IL6ST: variants seen among roughly 807,000 people sequenced by gnomAD.
The protein encoded by IL6ST is interleukin 6 cytokine family signal transducer.
Under a neutral mutation model 91.3 loss-of-function variants are expected in IL6ST, and 24 were observed. That is an observed-to-expected ratio of 0.26 (90% CI 0.19 to 0.37). The LOEUF (loss-of-function observed/expected upper bound fraction) is 0.37. Among genes scored for constraint, IL6ST ranks in the 10% least tolerant of loss-of-function variants. The pLI is 1.00. For missense variants in IL6ST, 914 were observed against 1,078.5 expected (o/e 0.85, Z 2.14); for synonymous variants, 351 against 373.6 (o/e 0.94, Z 0.70).
intron 10 of IL6ST, among the ~76,000 whole-genome samples, chr5:55,955,797 G>A (rs1292513379): frequency 2.6e-5 from 4 of 152,118 alleles, no homozygotes; most frequent in East Asian, 3.9e-4. Context: ...AGGGGAGATC[G>A]CTTGAGCTCA....
At chr5:55,950,212 A>G (rs779391199) in intron 14 of IL6ST, 1 of 487,320 alleles carries the variant, frequency 2.1e-6, no homozygotes, top group South Asian at 1.5e-5. Flanking sequence ...GGCTAAAGCC[A>G]TGGACAGAGT....
intron 5 of IL6ST, 108 bp downstream of exon 5, chr5:55,968,163 AAAATT>A (rs1752749348): frequency 9.9e-7 from 1 of 1,010,280 alleles, no homozygotes; most frequent in Non-Finnish European, 1.4e-6. Flanking sequence ...TACAGAATAA[AAAATT>A]AAATGTTTTA....
At chr5:55,960,329 T>C in intron 8 of IL6ST, 73 bp downstream of exon 8, 1 of 1,175,256 alleles carries the variant, frequency 8.5e-7, no homozygotes, top group Non-Finnish European at 1.2e-6. Context: ...AATGAGGCTA[T>C]ATTATTAAAA....
chr5:55,952,659 G>A (rs1300696541), intron 11 of IL6ST, among the ~76,000 whole-genome samples: 1 of 152,162 alleles, frequency 6.6e-6, no homozygotes, highest in African/African-American at 2.4e-5. Flanking sequence ...ATTTTTGTAT[G>A]TCTTACCTAC....
At position 55,964,643 on chromosome 5, in the gene IL6ST, C is replaced by T. The variant is rs150906231; in HGVS notation, c.492-331G>A. Among the ~76,000 whole-genome samples the T allele has an allele frequency of 4.2e-3, 643 of 151,970 alleles. 4 individuals are homozygous for T. The highest frequency in any genetic ancestry group is 0.015 in the African/African-American group (605 of 41,396). ...TTTTTTCTTTTTCCTAAAACAGAAC[C>T]CTTACTGTACCACAAATTTCTTTAA... is the stretch of plus-strand genomic sequence containing the variant. On this transcript the variant is annotated intron_variant, in intron 5 of 16. Transcript: ENST00000381298.
Position 55,936,397 on chromosome 5 carries a change from C to T in IL6ST, c.*4685G>A, listed in dbSNP as rs1248086721. On this transcript the variant is annotated 3_prime_UTR_variant, in exon 17 of 17. Coordinates refer to ENST00000381298, the MANE Select transcript of IL6ST (RefSeq NM_002184.4). Reference sequence around the variant, plus strand: ...ACTAGGAGGGAGGATGCTACGATTTCAGACCTCAGCTATTAAATAGTAAAT... The same window carrying T: ...ACTAGGAGGGAGGATGCTACGATTTTAGACCTCAGCTATTAAATAGTAAAT... 5.3e-6 allele frequency: 1 copy of T among 188,466 alleles called. No homozygotes were observed. The highest frequency in any genetic ancestry group is 2.6e-5 in the African/African-American group (1 of 39,132). The allele number at this position is 188,466 out of a possible 1,614,324, so 11.7% of individuals were successfully genotyped here.
At chr5:55,941,897 A>G in intron 16 of IL6ST, 78 bp from the exon 17 acceptor site, 1 of 1,213,704 alleles carries the variant, frequency 8.2e-7, no homozygotes, top group Non-Finnish European at 1.2e-6. Context: ...ACTTCCCAGT[A>G]ACTCTCAGTG....
intron 8 of IL6ST, among the ~76,000 whole-genome samples, chr5:55,960,126 C>T (rs755469541): frequency 5.9e-5 from 9 of 152,070 alleles, no homozygotes; most frequent in East Asian, 1.9e-4. Flanking sequence ...CCTTGTGATC[C>T]GCCCACCTCG....
At chr5:55,969,019 C>T (rs935022703) in intron 4 of IL6ST, among the ~76,000 whole-genome samples, 3 of 152,110 alleles carry the variant, frequency 2.0e-5, no homozygotes, top group Admixed American at 6.6e-5. Flanking sequence ...CATGGCGAAA[C>T]CCCATTTCTA....
chr5:55,965,832 A>AT, intron 5 of IL6ST, among the ~76,000 whole-genome samples: 1 of 150,832 alleles, frequency 6.6e-6, no homozygotes, highest in African/African-American at 2.4e-5. Context: ...AAAAAAAAAA[A>AT]GGATGAATGA....
intron 7 of IL6ST, among the ~76,000 whole-genome samples, chr5:55,961,556 G>A (rs553647720): frequency 1.3e-5 from 2 of 152,138 alleles, no homozygotes; most frequent in Admixed American, 6.6e-5. Context: ...TCTGGAGTTC[G>A]AGACCAACCT....
At chr5:55,941,907 G>A in intron 16 of IL6ST, 88 bp from the exon 17 acceptor site, 4 of 1,118,682 alleles carry the variant, frequency 3.6e-6, no homozygotes, top group Non-Finnish European at 3.9e-6. Flanking sequence ...AACTCTCAGT[G>A]GTACAGAAAT....
intron 8 of IL6ST, among the ~76,000 whole-genome samples, chr5:55,958,177 T>G (rs900598958): frequency 2.0e-4 from 31 of 152,104 alleles, no homozygotes; most frequent in Non-Finnish European, 4.1e-4. Flanking sequence ...ATGACTATAG[T>G]GCACTATAAC....
At chr5:55,950,944 A>C (rs1751597099) in intron 14 of IL6ST, among the ~76,000 whole-genome samples, 1 of 132,916 alleles carries the variant, frequency 7.5e-6, no homozygotes, top group African/African-American at 2.6e-5. Context: ...ACAGAGTAAG[A>C]CCCTGCCTCC....
chr5:55,980,424 C>T (rs1753587796), intron 2 of IL6ST, among the ~76,000 whole-genome samples: 2 of 152,076 alleles, frequency 1.3e-5, no homozygotes, highest in African/African-American at 2.4e-5. Context: ...GTGGTGGGCA[C>T]CTGTAATCCC....
In IL6ST at chr5:55,941,696, T is replaced by C. The variant is rs1190606651; in HGVS notation, c.2143A>G (p.Lys715Glu). Residue 715 changes from lysine (K) to glutamate (E), a missense_variant, in exon 17 of 17, where the codon AAA becomes GAA. Physicochemically the swap from Lys to Glu is moderately conservative, Grantham distance 56. Coordinates refer to ENST00000381298, the MANE Select transcript of IL6ST (RefSeq NM_002184.4). ...CCTTCAGTATTAATTTTTTCCTTTT[T>C]GAACAGGTCCAATGATTTCAGATCT... ...PEDLKSLDLF[K>E]KEKINTEGHS... The C allele has an allele frequency of 2.5e-6, 4 of 1,614,078 alleles. No individual in the cohort carries two copies. The highest frequency in any genetic ancestry group is 3.4e-6 in the Non-Finnish European group (4 of 1,180,020).
intron 1 of IL6ST, among the ~76,000 whole-genome samples, chr5:55,988,701 G>A (rs893625607): frequency 3.3e-5 from 5 of 151,132 alleles, no homozygotes; most frequent in Admixed American, 3.3e-4. Context: ...AGTAGGCGGA[G>A]GTTGCAGTGA....
In IL6ST at chr5:55,951,518, T is replaced by C; in HGVS notation, c.1786A>G (p.Thr596Ala). ...GGACCATCCTTCCCACCTTCATCTG[T>C]GTATGCTGCCATTCGTACCATGTAC... ...TLYMVRMAAY[T>A]DEGGKDGPEF... Residue 596 changes from threonine (T) to alanine (A), a missense_variant, in exon 14 of 17, where the codon ACA (threonine) becomes GCA (alanine). Thr to Ala is a moderately conservative substitution (Grantham distance 58, BLOSUM62 0). Transcript: ENST00000381298. 2 of 1,613,012 alleles carry C rather than the reference T, an allele frequency of 1.2e-6. No homozygotes were observed. Among genetic ancestry groups the C allele is most frequent in the South Asian group, 1.1e-5 (1 of 91,056 alleles).
At chr5:55,989,707 A>G (rs1267653411) in intron 1 of IL6ST, among the ~76,000 whole-genome samples, 1 of 152,240 alleles carries the variant, frequency 6.6e-6, no homozygotes, top group Non-Finnish European at 1.5e-5. Flanking sequence ...CAAAGTTTAG[A>G]GATGCAGAAT....
Sources: allele counts gnomAD v4.1 joint callset (sites outside exome capture counted in the v4.1 genomes callset), GRCh38; gene constraint gnomAD v4.1.1; transcripts MANE v1.5; gene names NCBI Gene and HGNC (gene_info 2026-07-23, HGNC 2026-07-21).